The following AUTS2 variants were observed in gnomAD, a reference collection of about 807,000 sequenced individuals.
AUTS2 encodes autism susceptibility gene 2 protein.
In AUTS2, 17 loss-of-function variants were observed where a neutral mutation model predicts 112.4. That is an observed-to-expected ratio of 0.15 (90% CI 0.10 to 0.23). AUTS2 has a LOEUF of 0.23. Ranked by LOEUF, AUTS2 falls within the 10% of genes least tolerant of loss-of-function variation. The pLI is 1.00. For synonymous variants in AUTS2, 751 were observed against 702.7 expected (o/e 1.07, Z -1.09); for missense variants, 1,510 against 1,701.6 (o/e 0.89, Z 1.98).
chr7:70,398,081 G>A (rs76807645), intron 4 of AUTS2, among the ~76,000 whole-genome samples: 9,470 of 152,232 alleles, frequency 0.062, 426 homozygotes, highest in Non-Finnish European at 0.099. Context: ...CATTGCCTTT[G>A]CACTTTTGTT....
At chr7:69,600,986 G>A (rs1261611765) in intron 1 of AUTS2, among the ~76,000 whole-genome samples, 3 of 151,948 alleles carry the variant, frequency 2.0e-5, no homozygotes, top group Non-Finnish European at 4.4e-5. Context: ...CTAGGGTAGG[G>A]GGAAAGGGAA....
chr7:70,102,700 C>T (rs1379357676), intron 2 of AUTS2, among the ~76,000 whole-genome samples: 13 of 151,970 alleles, frequency 8.6e-5, no homozygotes, highest in Non-Finnish European at 1.5e-4. Context: ...TTTCATGGCA[C>T]CTGTAGATTT....
chr7:69,876,349 A>AAAAAAATAT (rs1554396465), intron 1 of AUTS2, among the ~76,000 whole-genome samples: 2 of 29,492 alleles, frequency 6.8e-5, no homozygotes, highest in African/African-American at 2.9e-4. Context: ...AAAAAAAAAA[A>AAAAAAATAT]ATATATATAT....
intron 5 of AUTS2, among the ~76,000 whole-genome samples, chr7:70,659,557 A>G (rs768079450): frequency 6.6e-6 from 1 of 152,166 alleles, no homozygotes; most frequent in Non-Finnish European, 1.5e-5. Flanking sequence ...AATCACTGCA[A>G]GATTCATTAC....
chr7:70,143,454 G>A (rs1025163219), intron 4 of AUTS2, among the ~76,000 whole-genome samples: 17 of 152,278 alleles, frequency 1.1e-4, no homozygotes, highest in African/African-American at 4.1e-4. Flanking sequence ...AAGGACCAGC[G>A]CAGTAACACA....
chr7:70,410,106 T>C lies in AUTS2; in HGVS notation c.661-25646T>C, dbSNP rs78587089. 8.7e-4 allele frequency among the ~76,000 whole-genome samples: 133 copies of C among 152,352 alleles called. 5 individuals carry two copies. The East Asian group carries it at 0.025, about 29-fold the overall frequency. ...TTTGCAAGTATGTTTTAGGGAACTT[T>C]ATAATTAGCTTTTGTGCATATTTTA... On this transcript the variant is annotated intron_variant, in intron 4 of 18. Transcript: ENST00000342771.
rs1256136553 is a variant in AUTS2 at position 70,403,810 on chromosome 7, C to T, written c.661-31942C>T. ...GCTGGGCAGTTTGGGTCCTCTTACACGTGTGTAGACACTGCATTCCTTCTG... is the reference window on the plus strand; with the variant it reads ...GCTGGGCAGTTTGGGTCCTCTTACATGTGTGTAGACACTGCATTCCTTCTG... On this transcript the variant is annotated intron_variant, in intron 4 of 18. Transcript: ENST00000342771. 5.9e-5 allele frequency among the ~76,000 whole-genome samples: 9 copies of T among 152,180 alleles called. 1 individual carries two copies. Among genetic ancestry groups the T allele is most frequent in the South Asian group, 4.1e-4 (2 of 4,828 alleles).
At chr7:70,509,867 A>G (rs977350800) in intron 5 of AUTS2, among the ~76,000 whole-genome samples, 3 of 152,194 alleles carry the variant, frequency 2.0e-5, no homozygotes, top group Non-Finnish European at 4.4e-5. Flanking sequence ...CTCTCAGCCT[A>G]CAATCTCTAG....
At chr7:70,360,424 G>A (rs1184540569) in intron 4 of AUTS2, among the ~76,000 whole-genome samples, 1 of 152,200 alleles carries the variant, frequency 6.6e-6, no homozygotes, top group Non-Finnish European at 1.5e-5. Flanking sequence ...TGAGGCATGA[G>A]CCACTAAGCT....
intron 1 of AUTS2, among the ~76,000 whole-genome samples, chr7:69,661,498 G>A (rs1437787970): frequency 6.6e-6 from 1 of 152,180 alleles, no homozygotes; most frequent in African/African-American, 2.4e-5. Flanking sequence ...ACCATCTGGT[G>A]TTGGTGGTTG....
intron 4 of AUTS2, among the ~76,000 whole-genome samples, chr7:70,367,843 C>G (rs1792655585): frequency 6.6e-6 from 1 of 152,056 alleles, no homozygotes; most frequent in Non-Finnish European, 1.5e-5. Context: ...GGCCACTGAC[C>G]TTTAGCAACA....
chr7:70,737,753 A>G (rs897839156), intron 6 of AUTS2, among the ~76,000 whole-genome samples: 23 of 152,190 alleles, frequency 1.5e-4, no homozygotes, highest in Non-Finnish European at 2.4e-4. Flanking sequence ...TCCAGAGAGG[A>G]GGAGGAGCCA....
At chr7:70,191,826 C>T (rs956675585) in intron 4 of AUTS2, among the ~76,000 whole-genome samples, 3 of 151,500 alleles carry the variant, frequency 2.0e-5, no homozygotes, top group Non-Finnish European at 2.9e-5. Flanking sequence ...TTTGGGAGGC[C>T]GAGGTGGGTG....
At chr7:70,231,434 TTTTTTTG>T (rs201188807) in intron 4 of AUTS2, among the ~76,000 whole-genome samples, 45 of 152,144 alleles carry the variant, frequency 3.0e-4, no homozygotes, top group East Asian at 1.9e-3. Flanking sequence ...ATCTGTGTGG[TTTTTTTG>T]TTTTTTGTTT....
At chr7:70,208,011 C>CAAAAAAA (rs61267230) in intron 4 of AUTS2, among the ~76,000 whole-genome samples, 3 of 48,028 alleles carry the variant, frequency 6.2e-5, no homozygotes, top group East Asian at 6.0e-4. Context: ...AACTCCATCT[C>CAAAAAAA]AAAAAAAAAA....
chr7:70,217,256 T>C (rs1343619295), intron 4 of AUTS2, among the ~76,000 whole-genome samples: 2 of 152,234 alleles, frequency 1.3e-5, no homozygotes, highest in African/African-American at 2.4e-5. Context: ...CCTATCCTTC[T>C]TTCCACTGGT....
At chr7:70,225,582 G>A (rs1811720131) in intron 4 of AUTS2, among the ~76,000 whole-genome samples, 1 of 152,094 alleles carries the variant, frequency 6.6e-6, no homozygotes. Flanking sequence ...CAAGTGGTTA[G>A]GAAGATGTTG....
intron 4 of AUTS2, among the ~76,000 whole-genome samples, chr7:70,430,764 A>C (rs1795623704): frequency 1.3e-5 from 2 of 151,756 alleles, no homozygotes; most frequent in South Asian, 4.2e-4. Context: ...AATCTAAATA[A>C]CCAGCACTGG....
chr7:70,134,505 T>C (rs1415338073), intron 3 of AUTS2, 31 bp from the exon 4 acceptor site: 1 of 1,611,934 alleles, frequency 6.2e-7, no homozygotes, highest in Middle Eastern at 1.7e-4. Flanking sequence ...CATTGCTGAT[T>C]TTCCACTTTT....
Sources: gnomAD v4.1 joint callset for allele counts (sites outside exome capture counted in the v4.1 genomes callset) on GRCh38, gnomAD v4.1.1 for gene constraint, MANE v1.5 for transcripts, NCBI Gene and HGNC (gene_info 2026-07-23, HGNC 2026-07-21) for gene names.